LRRC69: variants seen among roughly 807,000 people sequenced by gnomAD.
The protein encoded by LRRC69 is leucine rich repeat containing 69.
A neutral mutation model predicts 37.8 loss-of-function variants in LRRC69; 42 were observed. The ratio of observed to expected loss-of-function variants is 1.11; its 90% CI spans 0.87 to 1.44. The LOEUF is 1.44. Among genes scored for constraint, LRRC69 ranks in the 40% most tolerant of loss-of-function variants. The pLI is 0.00. For synonymous variants in LRRC69, 141 were observed against 143.1 expected, an observed-to-expected ratio of 0.99 and a Z score of 0.11; for missense variants, 357 against 401.9, an observed-to-expected ratio of 0.89 and a Z score of 0.96.
At chr8:91,116,774 A>G (rs1258071683) in intron 1 of LRRC69, among the ~76,000 whole-genome samples, 2 of 151,956 alleles carry the variant, frequency 1.3e-5, no homozygotes, top group East Asian at 3.9e-4. Context: ...AGCTTGGCAC[A>G]GTGTTTCATA....
intron 7 of LRRC69, among the ~76,000 whole-genome samples, chr8:91,210,453 G>T (rs1305983990): frequency 6.6e-6 from 1 of 151,958 alleles, no homozygotes; most frequent in African/African-American, 2.4e-5. Context: ...AGAGAGATGA[G>T]GCTTTCCTTC....
chr8:91,161,028 G>A (rs1048387848), intron 5 of LRRC69, among the ~76,000 whole-genome samples: 4 of 150,938 alleles, frequency 2.7e-5, no homozygotes, highest in African/African-American at 7.3e-5. Flanking sequence ...TATCAAATCC[G>A]TTTTCTGCCT....
intron 5 of LRRC69, among the ~76,000 whole-genome samples, chr8:91,140,526 T>C (rs1341186653): frequency 6.6e-6 from 1 of 151,968 alleles, no homozygotes; most frequent in African/African-American, 2.4e-5. Flanking sequence ...TTTTATATTC[T>C]CATTAAAAAA....
intron 1 of LRRC69, among the ~76,000 whole-genome samples, chr8:91,117,583 T>A (rs867976684): frequency 2.1e-4 from 21 of 101,832 alleles, no homozygotes; most frequent in Admixed American, 1.9e-3. Flanking sequence ...TTTTTTTTTT[T>A]ACAGGGATAA....
At chr8:91,179,035 G>C (rs1489036949) in intron 5 of LRRC69, among the ~76,000 whole-genome samples, 4 of 152,200 alleles carry the variant, frequency 2.6e-5, no homozygotes, top group African/African-American at 9.6e-5. Flanking sequence ...TCTGTAAATA[G>C]AAGCTAATAA....
At chr8:91,179,525 C>CATA (rs1463716990) in intron 5 of LRRC69, among the ~76,000 whole-genome samples, 3 of 152,196 alleles carry the variant, frequency 2.0e-5, no homozygotes, top group African/African-American at 7.2e-5. Flanking sequence ...GGGGCAGAGA[C>CATA]ACAGATTCAT....
At chr8:91,212,524 G>T (rs1407453486) in intron 7 of LRRC69, among the ~76,000 whole-genome samples, 2 of 152,112 alleles carry the variant, frequency 1.3e-5, no homozygotes, top group African/African-American at 4.8e-5. Flanking sequence ...ATGAAAATTT[G>T]TAACTTTAAT....
At chr8:91,182,560 C>T (rs982794614) in intron 5 of LRRC69, among the ~76,000 whole-genome samples, 15 of 152,174 alleles carry the variant, frequency 9.9e-5, no homozygotes, top group Admixed American at 9.8e-4. Context: ...CATCATTTAA[C>T]AATCATATTA....
chr8:91,171,774 A>T (rs1430820627), intron 5 of LRRC69, among the ~76,000 whole-genome samples: 2 of 152,052 alleles, frequency 1.3e-5, no homozygotes, highest in Non-Finnish European at 2.9e-5. Context: ...AACTTTTAAA[A>T]ATGTCTTTTC....
At chr8:91,208,475 G>A (rs1809845752) in intron 7 of LRRC69, among the ~76,000 whole-genome samples, 1 of 152,124 alleles carries the variant, frequency 6.6e-6, no homozygotes, top group Non-Finnish European at 1.5e-5. Context: ...GGACAGAAGG[G>A]CAAAACAGGG....
chr8:91,145,914 A>G (rs1404598229), intron 5 of LRRC69, among the ~76,000 whole-genome samples: 1 of 151,862 alleles, frequency 6.6e-6, no homozygotes, highest in Non-Finnish European at 1.5e-5. Context: ...GAGAGAAAAA[A>G]TTATGAAATA....
At chr8:91,135,482 AT>A (rs1483335391) in intron 4 of LRRC69, among the ~76,000 whole-genome samples, 185 bp from the exon 5 acceptor site, 2 of 152,028 alleles carry the variant, frequency 1.3e-5, no homozygotes, top group Non-Finnish European at 2.9e-5. Flanking sequence ...GAAATGAAGA[AT>A]TCAAAGAGCT....
chr8:91,105,464 G>A (rs145470439), intron 1 of LRRC69, among the ~76,000 whole-genome samples: 1 of 151,796 alleles, frequency 6.6e-6, no homozygotes, highest in Non-Finnish European at 1.5e-5. Context: ...TGGGCAGATT[G>A]ATTGGGCTCA....
chr8:91,196,873 C>T (rs1389250641), intron 6 of LRRC69, among the ~76,000 whole-genome samples: 6 of 152,202 alleles, frequency 3.9e-5, no homozygotes, highest in Non-Finnish European at 7.3e-5. Flanking sequence ...AGCTTTGTTC[C>T]ATTGCTGGTG....
chr8:91,182,377 T>C (rs1809339646), intron 5 of LRRC69, among the ~76,000 whole-genome samples: 1 of 152,150 alleles, frequency 6.6e-6, no homozygotes, highest in Admixed American at 6.6e-5. Flanking sequence ...TTAAGGGGCA[T>C]AAGATAGTTA....
intron 5 of LRRC69, chr8:91,158,121 T>C (rs1586254303): frequency 1.3e-6 from 2 of 1,572,780 alleles, no homozygotes; most frequent in East Asian, 4.5e-5. Context: ...ATTCCAGCAT[T>C]ACCAGGTGAA....
intron 1 of LRRC69, among the ~76,000 whole-genome samples, chr8:91,115,819 C>T (rs1403773958): frequency 2.0e-5 from 3 of 151,746 alleles, no homozygotes; most frequent in Non-Finnish European, 4.4e-5. Context: ...ACAAAGCTGA[C>T]CCTGGAGTTG....
Position 91,135,561 on chromosome 8 carries a change from A to G in LRRC69, c.580-107A>G, listed in dbSNP as rs1057019293. 29 of 667,330 alleles carry G rather than the reference A, an allele frequency of 4.3e-5. No homozygotes were observed. The Admixed American group carries it at 4.5e-4, about 10-fold the overall frequency. 41.3% of individuals were successfully genotyped at this position (667,330 alleles called of 1,614,324 possible). On this transcript the variant is annotated intron_variant, in intron 4 of 7. Coordinates refer to ENST00000448384, the Ensembl canonical transcript of LRRC69. ...AGAATTGGTCAGTACAGTGATTAGA[A>G]AAGATGGCCACCTTCATCATGTTGG...
chr8:91,189,475 G>C (rs762278117), intron 5 of LRRC69, 47 bp from the exon 6 acceptor site: 2 of 1,215,930 alleles, frequency 1.6e-6, no homozygotes, highest in East Asian at 5.1e-5. Context: ...TTTAGAGGTA[G>C]TTTCATTATT....
Sources: allele counts gnomAD v4.1 joint callset (sites outside exome capture counted in the v4.1 genomes callset), GRCh38; gene constraint gnomAD v4.1.1; transcripts MANE v1.5; gene names NCBI Gene and HGNC (gene_info 2026-07-23, HGNC 2026-07-21).